The following GPM6A variants were observed in gnomAD, a reference collection of about 807,000 sequenced individuals.
GPM6A encodes neuronal membrane glycoprotein M6-a.
In GPM6A, 7 loss-of-function variants were observed where a neutral mutation model predicts 32.1. That is an observed-to-expected ratio of 0.22 (90% CI 0.12 to 0.41). The LOEUF (loss-of-function observed/expected upper bound fraction) is 0.41. Ranked by LOEUF, GPM6A falls within the 10% of genes least tolerant of loss-of-function variation. The pLI, the probability that GPM6A is intolerant of heterozygous loss-of-function variation, is 1.00. For synonymous variants in GPM6A, 130 were observed against 123.4 expected, an observed-to-expected ratio of 1.05 and a Z score of -0.35; for missense variants, 235 against 347.2, an observed-to-expected ratio of 0.68 and a Z score of 2.57.
intron 6 of GPM6A, 94 bp downstream of exon 6, chr4:175,640,035 G>T: frequency 9.9e-7 from 1 of 1,009,464 alleles, no homozygotes; most frequent in Non-Finnish European, 1.6e-6. Context: ...TGTTTTACAT[G>T]AACTTCAAAC....
chr4:175,677,877 A>C (rs537818068), intron 2 of GPM6A, among the ~76,000 whole-genome samples: 29 of 152,336 alleles, frequency 1.9e-4, no homozygotes, highest in African/African-American at 6.7e-4. Flanking sequence ...ACAGATTGCT[A>C]GTCCATTGAA....
chr4:175,766,992 A>G (rs572083920), intron 1 of GPM6A, among the ~76,000 whole-genome samples: 5 of 151,936 alleles, frequency 3.3e-5, no homozygotes, highest in Non-Finnish European at 7.4e-5. Flanking sequence ...CCCTCTAATC[A>G]TAAACTTTTT....
At chr4:175,726,026 A>G (rs1231444188) in intron 1 of GPM6A, among the ~76,000 whole-genome samples, 3 of 122,076 alleles carry the variant, frequency 2.5e-5, no homozygotes, top group Non-Finnish European at 3.2e-5. Flanking sequence ...ACGGAGTCTC[A>G]CTGTTGTCCA....
intron 1 of GPM6A, among the ~76,000 whole-genome samples, chr4:175,935,623 A>C (rs1280149610): frequency 6.6e-6 from 1 of 152,190 alleles, no homozygotes; most frequent in East Asian, 1.9e-4. Flanking sequence ...AGAAAAATAC[A>C]AAAGAGAAAA....
At chr4:175,987,121 G>A (rs190920012) in intron 1 of GPM6A, among the ~76,000 whole-genome samples, 2 of 152,164 alleles carry the variant, frequency 1.3e-5, no homozygotes, top group East Asian at 1.9e-4. Context: ...TAATTCCTAC[G>A]GTTTTATTAT....
chr4:175,932,662 G>A (rs1739090096), intron 1 of GPM6A, among the ~76,000 whole-genome samples: 1 of 151,936 alleles, frequency 6.6e-6, no homozygotes, highest in Admixed American at 6.6e-5. Context: ...TGTATAGAAA[G>A]AAAATACATG....
chr4:175,748,907 A>G (rs1001804843), intron 1 of GPM6A, among the ~76,000 whole-genome samples: 1 of 152,196 alleles, frequency 6.6e-6, no homozygotes, highest in African/African-American at 2.4e-5. Context: ...CAGCTTCTAC[A>G]TTAGTACTTG....
intron 1 of GPM6A, among the ~76,000 whole-genome samples, chr4:175,995,412 C>T (rs1190853400): frequency 5.5e-5 from 8 of 144,752 alleles, no homozygotes; most frequent in Non-Finnish European, 7.5e-5. Context: ...ACAGTATCTA[C>T]GAAGCACAAT....
chr4:175,822,161 A>T (rs1277585716), intron 1 of GPM6A, among the ~76,000 whole-genome samples: 1 of 152,128 alleles, frequency 6.6e-6, no homozygotes, highest in African/African-American at 2.4e-5. Context: ...TGATTATACA[A>T]ATTGCATCCA....
At chr4:175,995,471 G>A (rs768779074) in intron 1 of GPM6A, among the ~76,000 whole-genome samples, 9 of 151,470 alleles carry the variant, frequency 5.9e-5, no homozygotes, top group Non-Finnish European at 5.9e-5. Context: ...AGCGATTAGC[G>A]ATACAAGTGA....
At chr4:175,736,827 C>A (rs147970993) in intron 1 of GPM6A, among the ~76,000 whole-genome samples, 1 of 152,088 alleles carries the variant, frequency 6.6e-6, no homozygotes, top group Non-Finnish European at 1.5e-5. Flanking sequence ...GACTGTGGAT[C>A]GGTAAGATTA....
chr4:175,790,714 G>A (rs990642011), intron 1 of GPM6A, among the ~76,000 whole-genome samples: 7 of 152,118 alleles, frequency 4.6e-5, no homozygotes, highest in Non-Finnish European at 7.4e-5. Context: ...TATCCTTTTC[G>A]TTATTGTTTT....
At position 175,753,343 on chromosome 4, in the gene GPM6A, ACAGT is replaced by A. The variant is rs200448937; in HGVS notation, c.38-51580_38-51577del. ...AGAAAGAAATTATAAAGATACTAAC[ACAGT>A]CAGGTTAATAAAAGTCACATATGTA... On this transcript the variant is annotated intron_variant, in intron 1 of 6. Transcript: ENST00000393658. Among the ~76,000 whole-genome samples, 1,239 of 152,294 alleles carry A rather than the reference ACAGT, an allele frequency of 8.1e-3. 13 individuals are homozygous for A. The highest frequency in any genetic ancestry group is 0.013 in the South Asian group (63 of 4,832).
intron 1 of GPM6A, among the ~76,000 whole-genome samples, chr4:175,931,684 AC>A (rs1247556856): frequency 3.8e-4 from 55 of 144,588 alleles, no homozygotes; most frequent in East Asian, 1.9e-3. Flanking sequence ...ACACACACAC[AC>A]ACACACACAC....
At chr4:175,936,628 G>C (rs1739244650) in intron 1 of GPM6A, among the ~76,000 whole-genome samples, 1 of 151,920 alleles carries the variant, frequency 6.6e-6, no homozygotes, top group Non-Finnish European at 1.5e-5. Flanking sequence ...GAATATTTCA[G>C]AATGTCAAGA....
intron 3 of GPM6A, among the ~76,000 whole-genome samples, chr4:175,654,956 G>C (rs1344909237): frequency 6.6e-6 from 1 of 151,992 alleles, no homozygotes; most frequent in African/African-American, 2.4e-5. Flanking sequence ...TCTTTCTAAA[G>C]CTTCTTTTGA....
At chr4:175,641,342 G>A (rs1253873492) in intron 4 of GPM6A, 9 of 154,488 alleles carry the variant, frequency 5.8e-5, no homozygotes, top group African/African-American at 2.2e-4. Flanking sequence ...CCTTGTTCCA[G>A]TTGGTTCATA....
At chr4:175,842,978 G>A (rs898867289) in intron 1 of GPM6A, among the ~76,000 whole-genome samples, 3 of 150,380 alleles carry the variant, frequency 2.0e-5, no homozygotes, top group African/African-American at 4.9e-5. Flanking sequence ...TTTTATATAT[G>A]TAAAATATAT....
intron 1 of GPM6A, among the ~76,000 whole-genome samples, chr4:175,843,177 C>T (rs1033048183): frequency 6.6e-6 from 1 of 151,750 alleles, no homozygotes; most frequent in Non-Finnish European, 1.5e-5. Context: ...TATTTGCTTG[C>T]CAAAAAGAAG....
Sources: gnomAD v4.1 joint callset for allele counts (sites outside exome capture counted in the v4.1 genomes callset) on GRCh38, gnomAD v4.1.1 for gene constraint, MANE v1.5 for transcripts, NCBI Gene and HGNC (gene_info 2026-07-23, HGNC 2026-07-21) for gene names.